The following SLC14A2 variants were observed in gnomAD, a reference collection of about 807,000 sequenced individuals.
SLC14A2 encodes urea transporter 2.
A neutral mutation model predicts 104.6 loss-of-function variants in SLC14A2; 91 were observed. That is an observed-to-expected ratio of 0.87 (90% CI 0.73 to 1.04). The LOEUF is 1.04. Ranked by LOEUF, SLC14A2 falls within the 50% of genes least tolerant of loss-of-function variation. The pLI is 0.00. For missense variants in SLC14A2, 1,189 were observed against 1,156.0 expected (o/e 1.03, Z -0.41); for synonymous variants, 476 against 466.4 (o/e 1.02, Z -0.27).
At chr18:45,658,265 G>A (rs1255857731) in intron 10 of SLC14A2, among the ~76,000 whole-genome samples, 3 of 152,068 alleles carry the variant, frequency 2.0e-5, no homozygotes, top group African/African-American at 7.2e-5. Context: ...TCCCCCCCTA[G>A]GAGAGAGTAA....
In SLC14A2 at chr18:45,639,841, G is replaced by A. The variant is rs377498712; in HGVS notation, c.939G>A (p.Ser313=). 118 of 1,613,532 alleles carry A rather than the reference G, an allele frequency of 7.3e-5. No homozygotes were observed. The highest frequency in any genetic ancestry group is 7.1e-4 in the South Asian group (65 of 91,058). ...GVFLVALFIS[S]PLICLHAAIG... Reference sequence around the variant, plus strand: ...TCCTGGTGGCTCTGTTCATCTCCTCGCCACTCATCTGCTTGCATGCAGCCA... The same window carrying A: ...TCCTGGTGGCTCTGTTCATCTCCTCACCACTCATCTGCTTGCATGCAGCCA... The change falls in exon 7 of 20, where the codon TCG becomes TCA. Residue 313 remains serine (S), a synonymous_variant. Transcript: ENST00000255226.
chr18:45,402,107 A>T (rs540999928), intron 1 of SLC14A2, among the ~76,000 whole-genome samples: 41 of 152,252 alleles, frequency 2.7e-4, no homozygotes, highest in African/African-American at 9.6e-4. Context: ...GGTACTGAGC[A>T]CGTAAGACAG....
At chr18:45,672,330 G>C (rs1231291853) in intron 16 of SLC14A2, among the ~76,000 whole-genome samples, 2 of 152,114 alleles carry the variant, frequency 1.3e-5, no homozygotes, top group Non-Finnish European at 2.9e-5. Context: ...AGGAGTTCAA[G>C]ACCAGCCTGA....
chr18:45,643,103 T>C (rs1568310816), intron 8 of SLC14A2, 29 bp from the exon 9 acceptor site: 5 of 1,612,988 alleles, frequency 3.1e-6, no homozygotes, highest in Non-Finnish European at 4.2e-6. Context: ...CCTGGGAAGC[T>C]CACTCTGGTG....
chr18:45,316,488 A>T (rs1314227098), intron 1 of SLC14A2, among the ~76,000 whole-genome samples: 3 of 152,212 alleles, frequency 2.0e-5, no homozygotes, highest in Non-Finnish European at 4.4e-5. Context: ...CTGGCATTTG[A>T]AATCTAACAT....
At chr18:45,341,186 G>C (rs1421107168) in intron 1 of SLC14A2, among the ~76,000 whole-genome samples, 2 of 151,156 alleles carry the variant, frequency 1.3e-5, no homozygotes, top group Non-Finnish European at 2.9e-5. Flanking sequence ...TATTTATTAA[G>C]CATCTACCAC....
At chr18:45,522,922 G>A (rs2043536288) in intron 2 of SLC14A2, among the ~76,000 whole-genome samples, 1 of 152,182 alleles carries the variant, frequency 6.6e-6, no homozygotes, top group Admixed American at 6.5e-5. Context: ...TGGGTTGCCA[G>A]GGGTTCCCAT....
chr18:45,434,603 T>G (rs1003994642), intron 1 of SLC14A2, among the ~76,000 whole-genome samples: 1 of 152,186 alleles, frequency 6.6e-6, no homozygotes, highest in Non-Finnish European at 1.5e-5. Flanking sequence ...ACAGCAGTCC[T>G]TGGAATCCCT....
chr18:45,345,631 T>C (rs185068014), intron 1 of SLC14A2, among the ~76,000 whole-genome samples: 3 of 152,356 alleles, frequency 2.0e-5, no homozygotes, highest in South Asian at 2.1e-4. Context: ...TATCATTCCA[T>C]TGGAAGACCA....
chr18:45,510,437 C>T (rs1179316322), intron 2 of SLC14A2, among the ~76,000 whole-genome samples: 1 of 152,202 alleles, frequency 6.6e-6, no homozygotes, highest in Non-Finnish European at 1.5e-5. Context: ...CCAGGCCCCT[C>T]TATGCGGCTC....
At chr18:45,465,585 C>CA (rs534277447) in intron 1 of SLC14A2, among the ~76,000 whole-genome samples, 3 of 151,444 alleles carry the variant, frequency 2.0e-5, no homozygotes, top group Non-Finnish European at 4.4e-5. Flanking sequence ...TCCATCCATC[C>CA]ATGCATGCAT....
chr18:45,326,664 G>T (rs1568152486), intron 1 of SLC14A2, among the ~76,000 whole-genome samples: 1 of 152,186 alleles, frequency 6.6e-6, no homozygotes, highest in Non-Finnish European at 1.5e-5. Flanking sequence ...GTGTGAAAGG[G>T]CAGAGTGCTT....
At chr18:45,399,235 G>A (rs941776843) in intron 1 of SLC14A2, among the ~76,000 whole-genome samples, 2 of 152,114 alleles carry the variant, frequency 1.3e-5, no homozygotes, top group Non-Finnish European at 2.9e-5. Flanking sequence ...TGCTACACCT[G>A]GTAGAGCAAA....
chr18:45,224,159 C>T (rs2084090694), intron 1 of SLC14A2, among the ~76,000 whole-genome samples: 1 of 152,180 alleles, frequency 6.6e-6, no homozygotes, highest in Admixed American at 6.5e-5. Flanking sequence ...CGAGGGAGAC[C>T]AAGAGGCTGC....
chr18:45,666,729 A>G (rs1440217191), intron 12 of SLC14A2, among the ~76,000 whole-genome samples: 1 of 152,170 alleles, frequency 6.6e-6, no homozygotes, highest in Non-Finnish European at 1.5e-5. Flanking sequence ...ATGTTATCTT[A>G]CTGTGCCTCA....
At chr18:45,392,597 A>C (rs1239696260) in intron 1 of SLC14A2, among the ~76,000 whole-genome samples, 4 of 152,234 alleles carry the variant, frequency 2.6e-5, no homozygotes, top group African/African-American at 9.6e-5. Context: ...AAAATGGTAA[A>C]ATAAGCTATC....
intron 2 of SLC14A2, among the ~76,000 whole-genome samples, chr18:45,517,154 A>T (rs1245548813): frequency 1.3e-5 from 2 of 152,182 alleles, no homozygotes; most frequent in African/African-American, 4.8e-5. Context: ...GCCCACCTCC[A>T]TCTTGTGGGC....
chr18:45,168,051 A>C, the SLC14A2 span, among the ~76,000 whole-genome samples: 1 of 152,194 alleles, frequency 6.6e-6, no homozygotes, highest in Non-Finnish European at 1.5e-5. Context: ...CAGTTTGTTA[A>C]ACAGCTTGGT....
intron 1 of SLC14A2, among the ~76,000 whole-genome samples, chr18:45,252,206 T>C (rs1157601686): frequency 6.6e-6 from 1 of 152,196 alleles, no homozygotes; most frequent in African/African-American, 2.4e-5. Context: ...CTTATTTTCT[T>C]CATGAAAAAG....
Sources: allele counts gnomAD v4.1 joint callset (sites outside exome capture counted in the v4.1 genomes callset), GRCh38; gene constraint gnomAD v4.1.1; transcripts MANE v1.5; gene names NCBI Gene and HGNC (gene_info 2026-07-23, HGNC 2026-07-21).